PDE10A: variants seen among roughly 807,000 people sequenced by gnomAD.
The protein encoded by PDE10A is phosphodiesterase 10A, also known as cAMP and cAMP-inhibited cGMP 3',5'-cyclic phosphodiesterase 10A.
PDE10A carries 39 observed loss-of-function variants against 97.7 expected under a neutral mutation model. The ratio of observed to expected loss-of-function variants is 0.40; its 90% CI spans 0.31 to 0.52. The LOEUF (loss-of-function observed/expected upper bound fraction) is 0.52. Ranked by LOEUF, PDE10A falls within the 20% of genes least tolerant of loss-of-function variation. The pLI is 0.56. For synonymous variants in PDE10A, 371 were observed against 376.8 expected, an observed-to-expected ratio of 0.98 and a Z score of 0.18; for missense variants, 731 against 1,047.8, an observed-to-expected ratio of 0.70 and a Z score of 4.17.
chr6:165,622,294 G>T (rs1389451659), intron 1 of PDE10A, among the ~76,000 whole-genome samples: 3 of 149,768 alleles, frequency 2.0e-5, no homozygotes, highest in Non-Finnish European at 4.4e-5. Context: ...GTGTGTGTGT[G>T]TATGTGCATG....
At chr6:165,713,013 G>A (rs1791939733) in intron 1 of PDE10A, among the ~76,000 whole-genome samples, 1 of 152,178 alleles carries the variant, frequency 6.6e-6, no homozygotes. Flanking sequence ...TTCTAGTGAG[G>A]CAAGGATGGG....
intron 1 of PDE10A, among the ~76,000 whole-genome samples, chr6:165,612,186 G>GT (rs763550759): frequency 1.3e-5 from 2 of 152,176 alleles, no homozygotes; most frequent in Non-Finnish European, 2.9e-5. Flanking sequence ...GAGAAAGTCT[G>GT]TTTTTGATGG....
rs79686022 is a variant in PDE10A, at chr6:165,677,017, G to T, written c.-614-133449C>A. Among the ~76,000 whole-genome samples the T allele has an allele frequency of 4.7e-3, 721 of 152,366 alleles. 4 individuals carry two copies. The highest frequency in any genetic ancestry group is 0.014 in the Middle Eastern group (4 of 294). ...AAAAAGTGCAAAATCTTGCTTGAAT[G>T]ATTCACTTCCTTTCTTCCTGTGATA... On this transcript the variant is annotated intron_variant, in intron 1 of 19. Transcript: ENST00000366882.
chr6:165,557,342 C>G (rs191012056), intron 1 of PDE10A, among the ~76,000 whole-genome samples: 2 of 152,006 alleles, frequency 1.3e-5, no homozygotes, highest in East Asian at 3.9e-4. Context: ...TAATTAATAA[C>G]CTTCATGATC....
chr6:165,478,960 C>A (rs1779448605), intron 3 of PDE10A, among the ~76,000 whole-genome samples: 1 of 152,168 alleles, frequency 6.6e-6, no homozygotes, highest in Admixed American at 6.5e-5. Flanking sequence ...CCTACCTTTC[C>A]AGACCAAACC....
intron 1 of PDE10A, among the ~76,000 whole-genome samples, chr6:165,783,317 TA>T (rs1778395393): frequency 6.6e-6 from 1 of 152,244 alleles, no homozygotes; most frequent in Non-Finnish European, 1.5e-5. Flanking sequence ...ATATGTGTCT[TA>T]TCAGTTCTAC....
intron 13 of PDE10A, among the ~76,000 whole-genome samples, chr6:165,397,375 T>C (rs1786249188): frequency 6.6e-6 from 1 of 152,120 alleles, no homozygotes; most frequent in African/African-American, 2.4e-5. Flanking sequence ...TTCTAAAGGA[T>C]AGTTCACCAT....
intron 1 of PDE10A, among the ~76,000 whole-genome samples, chr6:165,950,869 A>G (rs964229700): frequency 2.0e-5 from 3 of 152,232 alleles, no homozygotes; most frequent in African/African-American, 7.2e-5. Flanking sequence ...TAATAAAGTA[A>G]TGTAAAACTG....
chr6:165,599,733 C>G (rs1026115766), intron 1 of PDE10A, among the ~76,000 whole-genome samples: 1 of 152,148 alleles, frequency 6.6e-6, no homozygotes. Context: ...ACCAGTTAAC[C>G]GTCAACTGCT....
At chr6:165,471,324 C>G (rs917405179) in intron 3 of PDE10A, among the ~76,000 whole-genome samples, 1 of 152,182 alleles carries the variant, frequency 6.6e-6, no homozygotes, top group African/African-American at 2.4e-5. Context: ...TTGAGCCACA[C>G]TCACCTGTCA....
At chr6:165,471,309 C>T (rs1437385806) in intron 3 of PDE10A, among the ~76,000 whole-genome samples, 1 of 152,050 alleles carries the variant, frequency 6.6e-6, no homozygotes, top group South Asian at 2.1e-4. Context: ...TGTTATGTTC[C>T]AGGGTTGAGC....
chr6:165,816,139 C>T (rs1453697368), intron 1 of PDE10A, among the ~76,000 whole-genome samples: 8 of 151,966 alleles, frequency 5.3e-5, no homozygotes, highest in Non-Finnish European at 7.4e-5. Context: ...TTAGTGGAGA[C>T]GGGGTTTCAC....
intron 1 of PDE10A, among the ~76,000 whole-genome samples, chr6:165,795,700 C>T: frequency 6.6e-6 from 1 of 152,010 alleles, no homozygotes; most frequent in Non-Finnish European, 1.5e-5. Flanking sequence ...TGCAGTGAGC[C>T]AAGATCGCGC....
intron 13 of PDE10A, among the ~76,000 whole-genome samples, chr6:165,407,083 C>T (rs1454360670): frequency 6.6e-6 from 1 of 152,144 alleles, no homozygotes; most frequent in African/African-American, 2.4e-5. Context: ...ATCATATGAA[C>T]CAATTTCCCT....
chr6:165,716,526 T>A (rs532530095), intron 1 of PDE10A, among the ~76,000 whole-genome samples: 1 of 152,210 alleles, frequency 6.6e-6, no homozygotes, highest in Non-Finnish European at 1.5e-5. Context: ...ATTAGCACCA[T>A]CAGTGACTTG....
At chr6:165,631,639 TTTGTCA>T (rs1788634847) in intron 1 of PDE10A, among the ~76,000 whole-genome samples, 1 of 152,216 alleles carries the variant, frequency 6.6e-6, no homozygotes, top group Admixed American at 6.5e-5. Context: ...CATGGTTAAA[TTTGTCA>T]TTGCAGAATA....
intron 1 of PDE10A, among the ~76,000 whole-genome samples, chr6:165,715,091 C>T (rs928514346): frequency 6.6e-6 from 1 of 152,238 alleles, no homozygotes; most frequent in Non-Finnish European, 1.5e-5. Context: ...CAGGGACGGC[C>T]GCCCGAGAAC....
At chr6:165,957,060 C>T (rs1177729262) in intron 1 of PDE10A, among the ~76,000 whole-genome samples, 2 of 152,162 alleles carry the variant, frequency 1.3e-5, no homozygotes, top group Non-Finnish European at 2.9e-5. Flanking sequence ...GAAAAATGAC[C>T]TCCTGGCTAC....
Position 165,408,857 on chromosome 6 carries a change from G to GA in PDE10A, c.2076+4643dup, listed in dbSNP as rs562887022. On this transcript the variant is annotated intron_variant, in intron 13 of 21. Coordinates refer to ENST00000539869, the MANE Select transcript of PDE10A (RefSeq NM_001385079.1). ...TAATTTTTATGAGCTTTAGTAAGGA[G>GA]AAAAATATACTGCAGTTAAAAAATG... 7.2e-5 allele frequency among the ~76,000 whole-genome samples: 11 copies of GA among 152,116 alleles called. No homozygotes were observed. The South Asian group carries it at 2.3e-3, about 32-fold the overall frequency.
Sources: gnomAD v4.1 joint callset for allele counts (sites outside exome capture counted in the v4.1 genomes callset) on GRCh38, gnomAD v4.1.1 for gene constraint, MANE v1.5 for transcripts, NCBI Gene and HGNC (gene_info 2026-07-23, HGNC 2026-07-21) for gene names.